The following MCC variants were observed in gnomAD, a reference collection of about 807,000 sequenced individuals.
MCC encodes the protein colorectal mutant cancer protein.
MCC carries 90 observed loss-of-function variants against 116.2 expected under a neutral mutation model. The ratio of observed to expected loss-of-function variants is 0.77; its 90% confidence interval spans 0.65 to 0.92. The LOEUF (loss-of-function observed/expected upper bound fraction) is 0.92, where lower values mean the gene tolerates loss of function less well. Ranked by LOEUF, MCC falls within the 40% of genes least tolerant of loss-of-function variation. MCC has a pLI of 0.00. For missense variants in MCC, 1,516 were observed against 1,312.2 expected (o/e 1.16, Z -2.40); for synonymous variants, 578 against 510.5 (o/e 1.13, Z -1.78).
chr5:113,045,452 A>G (rs1219525359), intron 16 of MCC, among the ~76,000 whole-genome samples: 2 of 152,192 alleles, frequency 1.3e-5, no homozygotes, highest in African/African-American at 4.8e-5. Context: ...AAAGAAGAGT[A>G]TTCTGTGACA....
chr5:113,149,199 TTTG>T lies in MCC; in HGVS notation c.741+2107_741+2109del, dbSNP rs1759699998. 2.6e-5 allele frequency among the ~76,000 whole-genome samples: 4 copies of T among 152,176 alleles called. 1 individual carries two copies. The highest frequency in any genetic ancestry group is 4.1e-4 in the South Asian group (2 of 4,820). On this transcript the variant is annotated intron_variant, in intron 4 of 18. Transcript: ENST00000408903. Reference sequence around the variant, plus strand: ...AATTAGAAAACATAGTCACCACCATTTTGTTGTTGTTTTTAAATATAAAAATAA... The same window carrying T: ...AATTAGAAAACATAGTCACCACCATTTTGTTGTTTTTAAATATAAAAATAA...
intron 14 of MCC, among the ~76,000 whole-genome samples, chr5:113,054,210 T>C (rs1752666660): frequency 6.6e-6 from 1 of 152,170 alleles, no homozygotes; most frequent in Non-Finnish European, 1.5e-5. Context: ...TCTAAGGAAA[T>C]AATTCCACAG....
At chr5:113,197,266 A>T (rs1056063748) in intron 3 of MCC, among the ~76,000 whole-genome samples, 2 of 152,054 alleles carry the variant, frequency 1.3e-5, no homozygotes, top group African/African-American at 4.8e-5. Flanking sequence ...TCAGACCCCC[A>T]ATTTTTTTTT....
At chr5:113,365,452 G>T (rs1420185113) in intron 2 of MCC, among the ~76,000 whole-genome samples, 1 of 152,124 alleles carries the variant, frequency 6.6e-6, no homozygotes, top group Non-Finnish European at 1.5e-5. Flanking sequence ...TGTCAGCACT[G>T]TCATAACCAT....
At chr5:113,451,642 G>A (rs886830621) in intron 1 of MCC, among the ~76,000 whole-genome samples, 1 of 152,190 alleles carries the variant, frequency 6.6e-6, no homozygotes, top group African/African-American at 2.4e-5. Flanking sequence ...GCTGAGGCAG[G>A]AGAATCACTT....
chr5:113,275,972 T>G (rs1376153752), intron 3 of MCC, among the ~76,000 whole-genome samples: 11 of 144,922 alleles, frequency 7.6e-5, no homozygotes, highest in Admixed American at 5.4e-4. Flanking sequence ...CTTGTTTTGT[T>G]TTTTTTTTTT....
At chr5:113,102,546 G>C (rs1008117196) in intron 7 of MCC, among the ~76,000 whole-genome samples, 2 of 152,190 alleles carry the variant, frequency 1.3e-5, no homozygotes, top group Non-Finnish European at 2.9e-5. Flanking sequence ...GCTCATTGTG[G>C]AGATTTCTAA....
chr5:113,135,793 C>T (rs1758782892), intron 5 of MCC, among the ~76,000 whole-genome samples: 1 of 152,030 alleles, frequency 6.6e-6, no homozygotes, highest in Non-Finnish European at 1.5e-5. Context: ...CCTGTAATCC[C>T]AGCACTTTGG....
At chr5:113,376,511 G>C (rs2222144) in intron 2 of MCC, among the ~76,000 whole-genome samples, 1 of 151,416 alleles carries the variant, frequency 6.6e-6, no homozygotes, top group East Asian at 1.9e-4. Context: ...TACCAATTCA[G>C]TTAGAAACTT....
chr5:113,039,275 C>T (rs922554111), intron 17 of MCC, among the ~76,000 whole-genome samples: 1 of 152,196 alleles, frequency 6.6e-6, no homozygotes, highest in Non-Finnish European at 1.5e-5. Context: ...TGGATTTGAA[C>T]TGGCCTCCAG....
intron 17 of MCC, among the ~76,000 whole-genome samples, chr5:113,033,931 G>T (rs563595884): frequency 2.4e-4 from 36 of 152,316 alleles, no homozygotes; most frequent in African/African-American, 8.4e-4. Flanking sequence ...TGTCATCCAG[G>T]CTGGAGTACA....
At chr5:113,118,074 G>T (rs1467073769) in intron 6 of MCC, among the ~76,000 whole-genome samples, 1 of 152,224 alleles carries the variant, frequency 6.6e-6, no homozygotes, top group Admixed American at 6.5e-5. Context: ...CCTTGGACAA[G>T]TGACTTACCC....
intron 6 of MCC, among the ~76,000 whole-genome samples, chr5:113,116,987 G>A (rs563364129): frequency 6.6e-6 from 1 of 152,344 alleles, no homozygotes; most frequent in South Asian, 2.1e-4. Flanking sequence ...CCTGTTACAT[G>A]AACTAGTTAG....
At chr5:113,052,752 C>G (rs937276421) in intron 15 of MCC, among the ~76,000 whole-genome samples, 4 of 152,166 alleles carry the variant, frequency 2.6e-5, no homozygotes, top group Non-Finnish European at 5.9e-5. Context: ...CAGTTCCTGA[C>G]CGGTCCTAAA....
At chr5:113,169,635 T>C (rs1016824025) in intron 3 of MCC, among the ~76,000 whole-genome samples, 1 of 151,086 alleles carries the variant, frequency 6.6e-6, no homozygotes, top group East Asian at 1.9e-4. Flanking sequence ...CTATATGGGG[T>C]CACATTCTGG....
At chr5:113,068,716 G>A (rs1207625700) in intron 12 of MCC, among the ~76,000 whole-genome samples, 1 of 152,228 alleles carries the variant, frequency 6.6e-6, no homozygotes, top group Non-Finnish European at 1.5e-5. Context: ...AAGATTCTCA[G>A]GCAGCCCTAT....
At chr5:113,163,941 C>A (rs1393257243) in intron 3 of MCC, among the ~76,000 whole-genome samples, 1 of 152,134 alleles carries the variant, frequency 6.6e-6, no homozygotes, top group African/African-American at 2.4e-5. Flanking sequence ...AGTGTGATTA[C>A]AGATGATTTT....
chr5:113,293,628 C>A (rs112364081), intron 3 of MCC, among the ~76,000 whole-genome samples: 1 of 152,216 alleles, frequency 6.6e-6, no homozygotes, highest in East Asian at 1.9e-4. Flanking sequence ...CACACATTTG[C>A]ATAGTGTTTG....
intron 16 of MCC, among the ~76,000 whole-genome samples, chr5:113,044,758 G>T (rs1397670939): frequency 6.6e-6 from 1 of 152,150 alleles, no homozygotes; most frequent in African/African-American, 2.4e-5. Context: ...ATTTTTAGTA[G>T]AGACGGGGTT....
Sources: gnomAD v4.1 joint callset for allele counts (sites outside exome capture counted in the v4.1 genomes callset) on GRCh38, gnomAD v4.1.1 for gene constraint, MANE v1.5 for transcripts, NCBI Gene and HGNC (gene_info 2026-07-23, HGNC 2026-07-21) for gene names.